The following DNAH12 variants were observed in gnomAD, a reference collection of about 807,000 sequenced individuals.
DNAH12 encodes dynein axonemal heavy chain 12.
DNAH12 carries 285 observed loss-of-function variants against 371.5 expected under a neutral mutation model. The ratio of observed to expected loss-of-function variants is 0.77; its 90% CI spans 0.70 to 0.85. The LOEUF is 0.85. DNAH12 is among the 40% of genes least tolerant of loss of function. The pLI, the probability that DNAH12 is intolerant of heterozygous loss-of-function variation, is 0.00. For synonymous variants in DNAH12, 1,200 were observed against 1,213.0 expected, an observed-to-expected ratio of 0.99 and a Z score of 0.22; for missense variants, 3,611 against 3,689.4, an observed-to-expected ratio of 0.98 and a Z score of 0.55.
chr3:57,371,665 A>ACG (rs1252859210), intron 55 of DNAH12, among the ~76,000 whole-genome samples: 5 of 67,192 alleles, frequency 7.4e-5, no homozygotes, highest in African/African-American at 3.1e-4. Flanking sequence ...CCATCTCAAA[A>ACG]CACGCACACA....
chr3:57,483,426 CATAAG>C lies in DNAH12; in HGVS notation c.1595_1599del (p.Ser532CysfsTer20). On this transcript the variant is annotated frameshift_variant, in exon 13 of 74. Transcript: ENST00000495027. LOFTEE classifies it high-confidence loss of function. ...ATTCCTACAGTCCGGGCTTTTTCTA[CATAAG>C]ATATCAGATCCATCATCTCTTCTGT... 4 of 1,551,388 alleles carry C rather than the reference CATAAG, an allele frequency of 2.6e-6. No individual in the cohort carries two copies. The highest frequency in any genetic ancestry group is 3.5e-6 in the Non-Finnish European group (4 of 1,146,862).
chr3:57,303,098 G>A (rs1437865045), intron 69 of DNAH12, among the ~76,000 whole-genome samples: 1 of 151,462 alleles, frequency 6.6e-6, no homozygotes, highest in Non-Finnish European at 1.5e-5. Flanking sequence ...CCAGCACTTG[G>A]AGAGGCCGAC....
chr3:57,538,087 A>C (rs1236406573), intron 2 of DNAH12, among the ~76,000 whole-genome samples: 2 of 152,210 alleles, frequency 1.3e-5, no homozygotes, highest in African/African-American at 2.4e-5. Context: ...AAAGAAACAC[A>C]CACAAGATAA....
chr3:57,326,520 G>C (rs1361877208), intron 62 of DNAH12, among the ~76,000 whole-genome samples: 1 of 152,112 alleles, frequency 6.6e-6, no homozygotes, highest in Admixed American at 6.5e-5. Context: ...GAGCAATTTT[G>C]TCACCACCAG....
chr3:57,395,812 A>C (rs1193254360), intron 43 of DNAH12, among the ~76,000 whole-genome samples: 1 of 151,802 alleles, frequency 6.6e-6, no homozygotes, highest in African/African-American at 2.4e-5. Flanking sequence ...TTAGCTGGGC[A>C]TGGTGGTACA....
chr3:57,320,094 C>T (rs559074644), intron 65 of DNAH12, among the ~76,000 whole-genome samples: 1 of 152,088 alleles, frequency 6.6e-6, no homozygotes, highest in Non-Finnish European at 1.5e-5. Flanking sequence ...TGTTCTTGAG[C>T]CTTACTTCAA....
Position 57,514,393 on chromosome 3 carries a change from C to CA in DNAH12, c.280-3415dup, listed in dbSNP as rs768971639. Among the ~76,000 whole-genome samples, 238 of 77,104 alleles carry CA rather than the reference C, an allele frequency of 3.1e-3. 1 individual carries two copies. Among genetic ancestry groups the CA allele is most frequent in the East Asian group, 0.019 (44 of 2,266 alleles). The allele number at this position is 77,104 out of a possible 152,430, so 50.6% of individuals were successfully genotyped here. A position where few individuals can be genotyped will look rare whatever the true frequency, so the allele number is the denominator to read the frequency against. On this transcript the variant is annotated intron_variant, in intron 4 of 73. Coordinates refer to ENST00000495027, the MANE Select transcript of DNAH12 (RefSeq NM_001366028.2). ...TCGGTGACAGAGTAAGACTCTGTCT[C>CA]AAAAAAAAAAAAAAGAAAAATAAAT... is the stretch of plus-strand genomic sequence containing the variant.
At chr3:57,363,377 T>C (rs1487919361) in intron 58 of DNAH12, among the ~76,000 whole-genome samples, 1 of 152,208 alleles carries the variant, frequency 6.6e-6, no homozygotes, top group African/African-American at 2.4e-5. Context: ...CTTCTGTGTA[T>C]AGATACCATA....
intron 25 of DNAH12, among the ~76,000 whole-genome samples, chr3:57,449,838 T>C (rs1033890597): frequency 6.6e-5 from 10 of 152,184 alleles, no homozygotes; most frequent in Non-Finnish European, 1.2e-4. Flanking sequence ...GCCGCCAAAG[T>C]GGGAACCCAG....
intron 70 of DNAH12, among the ~76,000 whole-genome samples, chr3:57,298,424 G>A (rs970957891): frequency 6.6e-6 from 1 of 152,204 alleles, no homozygotes; most frequent in Non-Finnish European, 1.5e-5. Context: ...TTTACCCAAA[G>A]GGAATGGAGA....
chr3:57,445,994 AAAATAAAT>A (rs372891308), intron 27 of DNAH12, 29 bp downstream of exon 27: 235,750 of 1,437,392 alleles, frequency 0.16, 21,110 homozygotes, highest in Non-Finnish European at 0.17. Context: ...TCAAAAACAT[AAAATAAAT>A]AAATAAATAA....
At chr3:57,406,604 AC>A (rs1553681345) in intron 40 of DNAH12, among the ~76,000 whole-genome samples, 1 of 72,844 alleles carries the variant, frequency 1.4e-5, no homozygotes, top group Non-Finnish European at 2.4e-5. Flanking sequence ...ATAGTGAAAA[AC>A]AAAATCTTTC....
chr3:57,470,306 C>T, intron 16 of DNAH12, 137 bp downstream of exon 16: 2 of 838,674 alleles, frequency 2.4e-6, no homozygotes, highest in South Asian at 4.2e-5. Flanking sequence ...GATGTTTCTC[C>T]TACATGGTAC....
intron 38 of DNAH12, among the ~76,000 whole-genome samples, chr3:57,415,212 A>C (rs1485318623): frequency 6.6e-6 from 1 of 152,186 alleles, no homozygotes; most frequent in East Asian, 1.9e-4. Context: ...GGCTTAAAAA[A>C]AAAACAGGTG....
At chr3:57,526,671 G>A (rs2068657057) in intron 2 of DNAH12, among the ~76,000 whole-genome samples, 1 of 151,534 alleles carries the variant, frequency 6.6e-6, no homozygotes, top group Non-Finnish European at 1.5e-5. Flanking sequence ...GACTCCAGGT[G>A]TGCACCACCA....
chr3:57,317,503 G>A (rs2061711555), intron 65 of DNAH12, among the ~76,000 whole-genome samples: 1 of 152,030 alleles, frequency 6.6e-6, no homozygotes. Context: ...GTTCACTTAG[G>A]ATAATGTCTT....
intron 73 of DNAH12, among the ~76,000 whole-genome samples, chr3:57,294,545 G>A (rs373085299): frequency 3.3e-5 from 5 of 152,094 alleles, no homozygotes; most frequent in Non-Finnish European, 2.9e-5. Context: ...AGTTCTGACC[G>A]CTTAGCAGGC....
intron 2 of DNAH12, among the ~76,000 whole-genome samples, chr3:57,525,086 G>A (rs1378663715): frequency 1.4e-5 from 2 of 143,908 alleles, no homozygotes; most frequent in South Asian, 2.2e-4. Context: ...TGTCAAGTAC[G>A]ACAGGAATGA....
Position 57,368,547 on chromosome 3 carries a change from C to A in DNAH12, c.8760-287G>T, listed in dbSNP as rs905970955. 2.0e-5 allele frequency among the ~76,000 whole-genome samples: 3 copies of A among 151,948 alleles called. No homozygotes were observed. In the South Asian group the frequency reaches 6.2e-4, roughly 31 times the overall value. ...GAAGTAGTAGGACCTTGTGAATCTACGAGCTCTGCTCTTCCCAATATAATA... is the reference window on the plus strand; with the variant it reads ...GAAGTAGTAGGACCTTGTGAATCTAAGAGCTCTGCTCTTCCCAATATAATA... On this transcript the variant is annotated intron_variant, in intron 55 of 73. Transcript: ENST00000495027.
Sources: allele counts gnomAD v4.1 joint callset (sites outside exome capture counted in the v4.1 genomes callset), GRCh38; gene constraint gnomAD v4.1.1; transcripts MANE v1.5; gene names NCBI Gene and HGNC (gene_info 2026-07-23, HGNC 2026-07-21).